The following NDE1 variants were observed in gnomAD, a reference collection of about 807,000 sequenced individuals.
The protein encoded by NDE1 is nuclear distribution protein nudE homolog 1.
NDE1 carries 28 observed loss-of-function variants against 43.4 expected under a neutral mutation model. The ratio of observed to expected loss-of-function variants is 0.65; its 90% CI spans 0.48 to 0.89. The LOEUF (loss-of-function observed/expected upper bound fraction) is 0.89. NDE1 is among the 40% of genes least tolerant of loss of function. NDE1 has a pLI of 0.00. For synonymous variants in NDE1, 184 were observed against 172.0 expected (o/e 1.07, Z -0.55); for missense variants, 441 against 434.1 (o/e 1.02, Z -0.14).
chr16:15,693,823 C>G (rs2038875049), intron 6 of NDE1, among the ~76,000 whole-genome samples: 1 of 152,114 alleles, frequency 6.6e-6, no homozygotes, highest in Admixed American at 6.5e-5. Flanking sequence ...GGCTATAATC[C>G]CAGCTACTCA....
At position 15,650,265 on chromosome 16, in the gene NDE1, C is replaced by T. The variant is rs1166192295; in HGVS notation, c.-73C>T. The T allele has an allele frequency of 3.2e-6, 1 of 309,294 alleles. No individual in the cohort carries two copies. Among genetic ancestry groups the T allele is most frequent in the Non-Finnish European group, 6.7e-6 (1 of 150,240 alleles). The allele number at this position is 309,294 out of a possible 1,614,324, so 19.2% of individuals were successfully genotyped here. On this transcript the variant is annotated 5_prime_UTR_variant, in exon 1 of 9. Transcript: ENST00000396354. ...CCTTCGCAGCCGCCTCTGCCGCCGC[C>T]GCCGCGTTGGCCTCGCCGCCCCTGC...
intron 6 of NDE1, among the ~76,000 whole-genome samples, chr16:15,693,831 T>C (rs1424734926): frequency 1.3e-5 from 2 of 152,060 alleles, no homozygotes; most frequent in Admixed American, 6.6e-5. Flanking sequence ...TCCCAGCTAC[T>C]CAAGAGGCCA....
chr16:15,660,993 A>G (rs1379221317), intron 1 of NDE1, among the ~76,000 whole-genome samples: 2 of 152,146 alleles, frequency 1.3e-5, no homozygotes, highest in African/African-American at 2.4e-5. Context: ...AAAACCAGCT[A>G]TAGACGCATG....
chr16:15,717,726 G>C lies in NDE1; in HGVS notation c.948-6465G>C, dbSNP rs1006190889. 2.4e-5 allele frequency: 8 copies of C among 326,792 alleles called. No homozygotes were observed. The East Asian group carries it at 5.9e-4, about 24-fold the overall frequency. The allele number at this position is 326,792 out of a possible 1,614,324, so 20.2% of individuals were successfully genotyped here. ...CAGGAGAATCCCTTGAACTTGGGAG[G>C]CAGAGGTTGCAGTGAGCCAAGATTG... On this transcript the variant is annotated intron_variant, in intron 8 of 8. Coordinates refer to ENST00000396354, the MANE Select transcript of NDE1 (RefSeq NM_017668.3).
chr16:15,671,981 C>A (rs2037618295), intron 3 of NDE1, among the ~76,000 whole-genome samples: 1 of 152,018 alleles, frequency 6.6e-6, no homozygotes, highest in Admixed American at 6.6e-5. Flanking sequence ...AGCCACTGCG[C>A]CTGGCTGATT....
intron 1 of NDE1, among the ~76,000 whole-genome samples, chr16:15,654,102 A>G (rs1046713830): frequency 2.6e-5 from 4 of 152,076 alleles, no homozygotes; most frequent in African/African-American, 9.7e-5. Context: ...ACTGGGTCCT[A>G]GTTTGTCATT....
chr16:15,694,038 G>A (rs2038886467), intron 6 of NDE1, 127 bp from the exon 7 acceptor site: 1 of 1,119,850 alleles, frequency 8.9e-7, no homozygotes, highest in Admixed American at 2.1e-5. Context: ...AAGAAATAGG[G>A]TAGCTTTTGG....
chr16:15,708,985 C>G (rs2039626708), intron 8 of NDE1: 2 of 903,184 alleles, frequency 2.2e-6, no homozygotes. Context: ...CTCTGTCACC[C>G]AGGCTGGAGT....
intron 6 of NDE1, 64 bp from the exon 7 acceptor site, chr16:15,694,101 G>A (rs538307296): frequency 1.3e-6 from 2 of 1,583,164 alleles, no homozygotes; most frequent in Admixed American, 1.7e-5. Flanking sequence ...TGGATCTAGC[G>A]ATGTTAACGC....
rs141314621 is a variant in NDE1, at chr16:15,720,992, C to T, written c.948-3199C>T. 6.2e-6 allele frequency: 10 copies of T among 1,614,004 alleles called. No individual in the cohort carries two copies. The African/African-American group carries it at 6.7e-5, about 11-fold the overall frequency. ...GCTCGTCCTCCAGCTCTTCCAGCTG[C>T]GTCTTCATCTCCTCCATCTGGGTCT... On this transcript the variant is annotated intron_variant, in intron 8 of 8. Transcript: ENST00000396354.
At chr16:15,714,585 A>T in intron 8 of NDE1, 1 of 485,478 alleles carries the variant, frequency 2.1e-6, no homozygotes, top group Non-Finnish European at 3.8e-6. Context: ...GGATGTCGTG[A>T]AGACTCAGTG....
chr16:15,716,201 G>A (rs72772017), intron 8 of NDE1, among the ~76,000 whole-genome samples: 2,743 of 152,192 alleles, frequency 0.018, 27 homozygotes, highest in Non-Finnish European at 0.028. Flanking sequence ...CCAAAGTGCC[G>A]GGATTATGGG....
At chr16:15,702,622 C>G (rs2151157100) in intron 8 of NDE1, among the ~76,000 whole-genome samples, 1 of 151,728 alleles carries the variant, frequency 6.6e-6, no homozygotes, top group East Asian at 1.9e-4. Context: ...GCTAGGCTGG[C>G]CTCCAACTCC....
chr16:15,654,630 A>AT (rs1491165010), intron 1 of NDE1, among the ~76,000 whole-genome samples: 3 of 150,248 alleles, frequency 2.0e-5, no homozygotes, highest in South Asian at 4.2e-4. Context: ...AAAAAAAAAA[A>AT]ACAAAACTGG....
rs374385076 is a variant in NDE1, at chr16:15,694,540, G to T, written c.795+284G>T. On this transcript the variant is annotated intron_variant, in intron 7 of 8. Coordinates refer to ENST00000396354, the MANE Select transcript of NDE1 (RefSeq NM_017668.3). ...CTTTCATTTTTTTGTAGTAATGTGG[G>T]TATCGCTGTGTTGCCCAGGCTGGTC... 4 of 805,082 alleles carry T rather than the reference G, an allele frequency of 5.0e-6. No homozygotes were observed. The East Asian group carries it at 3.8e-4, about 76-fold the overall frequency. The allele number at this position is 805,082 out of a possible 1,614,324, so 49.9% of individuals were successfully genotyped here.
chr16:15,686,422 C>A, intron 4 of NDE1: 1 of 985,344 alleles, frequency 1.0e-6, no homozygotes, highest in Admixed American at 6.1e-5. Flanking sequence ...AGTGTTTATG[C>A]CCTTCACAAG....
At chr16:15,673,380 T>C (rs1047807621) in intron 3 of NDE1, among the ~76,000 whole-genome samples, 1 of 152,004 alleles carries the variant, frequency 6.6e-6, no homozygotes, top group African/African-American at 2.4e-5. Context: ...TTTTTTGTAT[T>C]TTTGGTAGAG....
intron 8 of NDE1, among the ~76,000 whole-genome samples, chr16:15,711,626 A>G (rs900152327): frequency 3.3e-5 from 5 of 152,144 alleles, no homozygotes; most frequent in Non-Finnish European, 7.3e-5. Flanking sequence ...GTGGTATGAG[A>G]ATGAAGCGGG....
chr16:15,659,421 C>T (rs1248265978), intron 1 of NDE1, among the ~76,000 whole-genome samples: 1 of 126,442 alleles, frequency 7.9e-6, no homozygotes, highest in East Asian at 2.4e-4. Flanking sequence ...ACCTTGCACA[C>T]AATCTTTTTT....
Sources: allele counts gnomAD v4.1 joint callset (sites outside exome capture counted in the v4.1 genomes callset), GRCh38; gene constraint gnomAD v4.1.1; transcripts MANE v1.5; gene names NCBI Gene and HGNC (gene_info 2026-07-23, HGNC 2026-07-21).